TMEM163: variants seen among roughly 807,000 people sequenced by gnomAD.
The protein encoded by TMEM163 is transmembrane protein 163.
Under a neutral mutation model 29.3 loss-of-function variants are expected in TMEM163, and 17 were observed. That is an observed-to-expected ratio of 0.58 (90% CI 0.40 to 0.87). The LOEUF (loss-of-function observed/expected upper bound fraction) is 0.87. TMEM163 is among the 40% of genes least tolerant of loss of function. The pLI is 0.00. For synonymous variants in TMEM163, 157 were observed against 160.6 expected (o/e 0.98, Z 0.17); for missense variants, 303 against 381.5 (o/e 0.79, Z 1.71).
At chr2:134,645,124 A>T (rs1264777780) in intron 2 of TMEM163, among the ~76,000 whole-genome samples, 1 of 152,230 alleles carries the variant, frequency 6.6e-6, no homozygotes, top group Non-Finnish European at 1.5e-5. Flanking sequence ...AAATGCTTAC[A>T]AGAATATAGA....
chr2:134,562,507 C>T (rs1681204519), intron 2 of TMEM163, among the ~76,000 whole-genome samples: 1 of 152,248 alleles, frequency 6.6e-6, no homozygotes, highest in South Asian at 2.1e-4. Flanking sequence ...TGCCAGGCCA[C>T]TGAGATGGCC....
At chr2:134,594,757 G>A (rs1186602089) in intron 2 of TMEM163, among the ~76,000 whole-genome samples, 1 of 152,108 alleles carries the variant, frequency 6.6e-6, no homozygotes, top group African/African-American at 2.4e-5. Flanking sequence ...ACTTCAGAAG[G>A]AAGCTTGGTG....
At chr2:134,560,368 A>T (rs1460957455) in intron 2 of TMEM163, among the ~76,000 whole-genome samples, 1 of 152,214 alleles carries the variant, frequency 6.6e-6, no homozygotes, top group Non-Finnish European at 1.5e-5. Context: ...GCCTAAACAC[A>T]TAGAACATGG....
chr2:134,584,176 T>C (rs1681758516), intron 2 of TMEM163, among the ~76,000 whole-genome samples: 1 of 152,198 alleles, frequency 6.6e-6, no homozygotes, highest in Admixed American at 6.5e-5. Flanking sequence ...CAGGATAAAG[T>C]CATATTTTGG....
intron 2 of TMEM163, among the ~76,000 whole-genome samples, chr2:134,606,608 A>G (rs1346881630): frequency 1.3e-5 from 2 of 152,192 alleles, no homozygotes; most frequent in African/African-American, 4.8e-5. Context: ...GCGCGAAGAC[A>G]GGGGCTGTGC....
chr2:134,635,661 A>G (rs1205474553), intron 2 of TMEM163, among the ~76,000 whole-genome samples: 1 of 152,204 alleles, frequency 6.6e-6, no homozygotes, highest in East Asian at 1.9e-4. Flanking sequence ...GAAAAAACCA[A>G]TAAGCCCATG....
intron 2 of TMEM163, among the ~76,000 whole-genome samples, chr2:134,599,463 A>T (rs948820083): frequency 1.3e-5 from 2 of 152,120 alleles, no homozygotes; most frequent in Admixed American, 1.3e-4. Flanking sequence ...ACTTTCCACC[A>T]TGGGAGGATA....
chr2:134,714,188 C>T (rs1304465979), intron 1 of TMEM163, among the ~76,000 whole-genome samples: 1 of 152,162 alleles, frequency 6.6e-6, no homozygotes, highest in African/African-American at 2.4e-5. Flanking sequence ...TAGGTTTATC[C>T]TTCTCCTTTG....
chr2:134,598,734 T>G (rs903237160), intron 2 of TMEM163, among the ~76,000 whole-genome samples: 4 of 151,888 alleles, frequency 2.6e-5, no homozygotes, highest in Non-Finnish European at 2.9e-5. Flanking sequence ...CTGGCCAACA[T>G]GGTGAAACCC....
rs1015435792 is a variant in TMEM163 at position 134,660,186 on chromosome 2, G to A, written c.322+53014C>T. 4.3e-4 allele frequency among the ~76,000 whole-genome samples: 65 copies of A among 152,246 alleles called. 1 individual carries two copies. The highest frequency in any genetic ancestry group is 3.4e-3 in the Middle Eastern group (1 of 294). ...CAGCACCCAGATGCCATGGTGGAGA[G>A]TTTAGATTTTTGTTCAAGTGCAATG... On this transcript the variant is annotated intron_variant, in intron 2 of 7. Transcript: ENST00000281924.
At chr2:134,656,409 C>T (rs1574315462) in intron 2 of TMEM163, among the ~76,000 whole-genome samples, 2 of 151,694 alleles carry the variant, frequency 1.3e-5, no homozygotes, top group African/African-American at 2.4e-5. Context: ...CTTCGGCTCG[C>T]GCACGGTGCA....
intron 5 of TMEM163, among the ~76,000 whole-genome samples, chr2:134,486,107 TA>T (rs1330308991): frequency 6.6e-6 from 1 of 152,192 alleles, no homozygotes; most frequent in Non-Finnish European, 1.5e-5. Context: ...GCCTAACACC[TA>T]AAAATACAAT....
intron 2 of TMEM163, among the ~76,000 whole-genome samples, chr2:134,579,894 G>T (rs775805903): frequency 6.6e-6 from 1 of 152,174 alleles, no homozygotes; most frequent in Non-Finnish European, 1.5e-5. Flanking sequence ...TAATGGTAAT[G>T]ATTTGTTCTC....
intron 2 of TMEM163, among the ~76,000 whole-genome samples, chr2:134,616,607 C>A (rs1457599951): frequency 6.6e-6 from 1 of 152,100 alleles, no homozygotes; most frequent in Non-Finnish European, 1.5e-5. Context: ...AGAAATAAAG[C>A]TTACACTTTT....
At chr2:134,679,654 A>G (rs138002425) in intron 2 of TMEM163, among the ~76,000 whole-genome samples, 2 of 152,326 alleles carry the variant, frequency 1.3e-5, no homozygotes, top group East Asian at 1.9e-4. Context: ...TGATTCTTAC[A>G]CCTAATCCTG....
In TMEM163 at chr2:134,619,856, T is replaced by G. The variant is rs543852690; in HGVS notation, c.323-67765A>C. On this transcript the variant is annotated intron_variant, in intron 2 of 7. Coordinates refer to ENST00000281924, the MANE Select transcript of TMEM163 (RefSeq NM_030923.5). ...TTTAGTAGGGTTGCAGGACACAAGA[T>G]CAATATACAAATATTAATTGTATTT... 2.0e-4 allele frequency among the ~76,000 whole-genome samples: 31 copies of G among 152,292 alleles called. No homozygotes were observed. In the South Asian group the frequency reaches 6.4e-3, roughly 32 times the overall value.
chr2:134,671,337 A>G (rs1683992544), intron 2 of TMEM163, among the ~76,000 whole-genome samples: 1 of 151,282 alleles, frequency 6.6e-6, no homozygotes, highest in African/African-American at 2.4e-5. Flanking sequence ...CCCCTCCCCA[A>G]CTCCTGGCTC....
intron 4 of TMEM163, among the ~76,000 whole-genome samples, chr2:134,534,180 T>A (rs1426764076): frequency 6.6e-6 from 1 of 152,120 alleles, no homozygotes; most frequent in Non-Finnish European, 1.5e-5. Flanking sequence ...AATATCAGGG[T>A]CAGGTTTTAG....
At chr2:134,569,561 T>C (rs919819147) in intron 2 of TMEM163, among the ~76,000 whole-genome samples, 3 of 152,192 alleles carry the variant, frequency 2.0e-5, no homozygotes, top group East Asian at 3.9e-4. Flanking sequence ...ATTCTAGCCA[T>C]AGTCACATCC....
Sources: allele counts gnomAD v4.1 joint callset (sites outside exome capture counted in the v4.1 genomes callset), GRCh38; gene constraint gnomAD v4.1.1; transcripts MANE v1.5; gene names NCBI Gene and HGNC (gene_info 2026-07-23, HGNC 2026-07-21).